Variants in KIR2DL4 observed in about 807,000 individuals in gnomAD.
The protein encoded by KIR2DL4 is killer cell immunoglobulin like receptor, two Ig domains and long cytoplasmic tail 4.
KIR2DL4 carries 41 observed loss-of-function variants against 31.0 expected under a neutral mutation model. That is an observed-to-expected ratio of 1.32 (90% CI 1.03 to 1.72). KIR2DL4 has a LOEUF of 1.72. KIR2DL4 is among the 40% of genes most tolerant of loss of function. The pLI, the probability that KIR2DL4 is intolerant of heterozygous loss-of-function variation, is 0.00. For synonymous variants in KIR2DL4, 164 were observed against 133.6 expected, an observed-to-expected ratio of 1.23 and a Z score of -1.57; for missense variants, 438 against 353.7, an observed-to-expected ratio of 1.24 and a Z score of -1.91.
intron 4 of KIR2DL4, among the ~76,000 whole-genome samples, chr19:54,807,591 C>T (rs1169173791): frequency 1.3e-5 from 2 of 149,320 alleles, no homozygotes; most frequent in Non-Finnish European, 3.0e-5. Context: ...GTGCCCGCCA[C>T]CACGCCTGGC....
At chr19:54,812,574 C>T (rs1423184991) in intron 5 of KIR2DL4, among the ~76,000 whole-genome samples, 2 of 149,614 alleles carry the variant, frequency 1.3e-5, no homozygotes, top group East Asian at 2.0e-4. Flanking sequence ...GCTCACTGAT[C>T]TGCACGCTGT....
exon 3 of KIR2DL4, chr19:54,805,030 C>T (rs1486397350): frequency 1.4e-5 from 22 of 1,610,888 alleles, no homozygotes; most frequent in Non-Finnish European, 1.9e-5. Flanking sequence ...CCGCACTCCC[C>T]CACTGAGTGG....
exon 8 of KIR2DL4, chr19:54,814,309 G>T: frequency 1.6e-6 from 1 of 615,260 alleles, no homozygotes; most frequent in Non-Finnish European, 2.8e-6. Flanking sequence ...GTCTACTTGA[G>T]GCTGCAATCA....
exon 4 of KIR2DL4, chr19:54,806,094 C>G (rs1380988644): frequency 6.2e-7 from 1 of 1,612,130 alleles, no homozygotes; most frequent in Non-Finnish European, 8.5e-7. Flanking sequence ...ACTTAGGCTC[C>G]CTGCAGTGCC....
At chr19:54,808,172 C>G (rs2060638629) in intron 4 of KIR2DL4, among the ~76,000 whole-genome samples, 1 of 149,732 alleles carries the variant, frequency 6.7e-6, no homozygotes, top group Non-Finnish European at 1.5e-5. Context: ...TTGGTTGCTT[C>G]CTTTGCGGTG....
exon 2 of KIR2DL4, chr19:54,803,911 G>T (rs1404928322): frequency 5.0e-6 from 8 of 1,610,126 alleles, no homozygotes; most frequent in Non-Finnish European, 6.8e-6. Flanking sequence ...GGACCAGAGT[G>T]TGTGGGCACA....
chr19:54,813,610 C>A lies in KIR2DL4; in HGVS notation c.811-80C>A, dbSNP rs967020577. The stretch of plus-strand genomic sequence containing the variant: ...GGACCTCAGGCACCTATGGCCTCCC[C>A]CTGTGTGTTGGTATCTGTTCATGAA... On this transcript the variant is annotated intron_variant, in intron 6 of 7. Transcript: ENST00000359085. 13 of 1,440,618 alleles carry A rather than the reference C, an allele frequency of 9.0e-6. No individual in the cohort carries two copies. The East Asian group carries it at 1.6e-4, about 18-fold the overall frequency. 89.2% of individuals were successfully genotyped at this position (1,440,618 alleles called of 1,614,324 possible).
intron 5 of KIR2DL4, among the ~76,000 whole-genome samples, chr19:54,811,870 G>A (rs905392465): frequency 3.3e-4 from 50 of 151,334 alleles, no homozygotes; most frequent in African/African-American, 1.0e-3. Context: ...CCAGACTCTC[G>A]GGTGGAACAG....
rs369697216 is a variant in KIR2DL4, at chr19:54,813,674, C to T, written c.811-16C>T. 106 of 1,611,208 alleles carry T rather than the reference C, an allele frequency of 6.6e-5. 5 individuals carry two copies. The highest frequency in any genetic ancestry group is 8.7e-5 in the Non-Finnish European group (103 of 1,179,122). Reference sequence around the variant, plus strand: ...AGTGCCCTCCCAGCTGTTTTGATTGCTTCCGTCTCCTACAGATGCTGCTGT... The same window carrying T: ...AGTGCCCTCCCAGCTGTTTTGATTGTTTCCGTCTCCTACAGATGCTGCTGT... On this transcript the variant is annotated splice_polypyrimidine_tract_variant and intron_variant, in intron 6 of 7. Coordinates refer to ENST00000359085, the Ensembl canonical transcript of KIR2DL4.
intron 5 of KIR2DL4, among the ~76,000 whole-genome samples, chr19:54,810,122 A>ATTGG (rs1284980626): frequency 1.1e-4 from 15 of 142,158 alleles, no homozygotes; most frequent in Non-Finnish European, 1.9e-4. Flanking sequence ...TGATTGATTG[A>ATTGG]TTGGTTGTTT....
At chr19:54,813,172 A>T (rs2060972872) in exon 6 of KIR2DL4, 2 of 1,540,004 alleles carry the variant, frequency 1.3e-6, no homozygotes, top group Admixed American at 3.6e-5. Context: ...AGTGGCCATC[A>T]TCCTCTTTAC....
At chr19:54,814,140 C>T (rs772316931) in exon 8 of KIR2DL4, 24 of 1,603,784 alleles carry the variant, frequency 1.5e-5, no homozygotes, top group Non-Finnish European at 2.0e-5. Flanking sequence ...TAGAGCATCA[C>T]TCTTCCTCAC....
intron 6 of KIR2DL4, chr19:54,813,377 C>G: frequency 8.2e-7 from 1 of 1,226,460 alleles, no homozygotes; most frequent in Non-Finnish European, 1.1e-6. Context: ...GCACCAGACA[C>G]CCTGCCCCTG....
chr19:54,812,455 G>A (rs2060918679), intron 5 of KIR2DL4, among the ~76,000 whole-genome samples: 1 of 151,362 alleles, frequency 6.6e-6, no homozygotes, highest in African/African-American at 2.4e-5. Flanking sequence ...AGCCCAGGCT[G>A]TTCTGAGACG....
At chr19:54,805,745 C>G (rs1472315974) in intron 3 of KIR2DL4, among the ~76,000 whole-genome samples, 3 of 151,078 alleles carry the variant, frequency 2.0e-5, no homozygotes, top group Admixed American at 6.6e-5. Context: ...GTTGGCTACC[C>G]TGAGATCAGC....
chr19:54,808,758 C>G lies in KIR2DL4; in HGVS notation c.656-75C>G, dbSNP rs1601175184. ...TAGATAATAGAATGTTGGCCATGAA[C>G]CAACCTCAAAGATTTCCATTGAGTA... On this transcript the variant is annotated intron_variant, in intron 4 of 7. Coordinates refer to ENST00000359085, the Ensembl canonical transcript of KIR2DL4. 1.0e-4 allele frequency: 116 copies of G among 1,122,474 alleles called. 4 individuals are homozygous for G. The South Asian group carries it at 1.4e-3, about 14-fold the overall frequency. 69.5% of individuals were successfully genotyped at this position (1,122,474 alleles called of 1,614,324 possible).
At chr19:54,809,568 T>C (rs1242276550) in intron 5 of KIR2DL4, among the ~76,000 whole-genome samples, 2 of 151,270 alleles carry the variant, frequency 1.3e-5, no homozygotes, top group Non-Finnish European at 2.9e-5. Flanking sequence ...TCCCTCTGAA[T>C]GTTCCAGGCA....
chr19:54,807,579 T>C lies in KIR2DL4; in HGVS notation c.656-1254T>C, dbSNP rs1362604766. Among the ~76,000 whole-genome samples, 2 of 149,486 alleles carry C rather than the reference T, an allele frequency of 1.3e-5. 1 individual carries two copies. The highest frequency in any genetic ancestry group is 3.0e-5 in the Non-Finnish European group (2 of 67,710). ...CAGCCTCCCGAGTAGTTGGGATTAC[T>C]GGTGCCCGCCACCACGCCTGGCTGA... On this transcript the variant is annotated intron_variant, in intron 4 of 7. Coordinates refer to ENST00000359085, the Ensembl canonical transcript of KIR2DL4.
rs56186508 is a variant in KIR2DL4 at position 54,803,892 on chromosome 19, G to A, written c.42G>A (p.Gly14=). The A allele has an allele frequency of 3.8e-4, 612 of 1,610,038 alleles. 20 individuals carry two copies. The African/African-American group carries it at 7.7e-3, about 20-fold the overall frequency. Residue 14 remains glycine (G), a splice_region_variant and synonymous_variant, in exon 2 of 8, where the codon GGG becomes GGA. Coordinates refer to ENST00000359085, the Ensembl canonical transcript of KIR2DL4. ...GTTCATCATGATCTTTCTTTGCAGG[G>A]TTCTTCTTGGACCAGAGTGTGTGGG...
Sources: gnomAD v4.1 joint callset for allele counts (sites outside exome capture counted in the v4.1 genomes callset) on GRCh38, gnomAD v4.1.1 for gene constraint, MANE v1.5 for transcripts, NCBI Gene and HGNC (gene_info 2026-07-23, HGNC 2026-07-21) for gene names.